The following IMPG2 variants were observed in gnomAD, a reference collection of about 807,000 sequenced individuals.
The protein encoded by IMPG2 is IPM 200.
A neutral mutation model predicts 129.2 loss-of-function variants in IMPG2; 91 were observed. The ratio of observed to expected loss-of-function variants is 0.70; its 90% confidence interval spans 0.59 to 0.84. The LOEUF is 0.84. Among genes scored for constraint, IMPG2 ranks in the 40% least tolerant of loss-of-function variants. IMPG2 has a pLI of 0.00. For synonymous variants in IMPG2, 510 were observed against 517.7 expected (o/e 0.99, Z 0.20); for missense variants, 1,430 against 1,461.7 (o/e 0.98, Z 0.35).
At chr3:101,288,636 T>C (rs1464451143) in intron 4 of IMPG2, among the ~76,000 whole-genome samples, 1 of 152,110 alleles carries the variant, frequency 6.6e-6, no homozygotes, top group Non-Finnish European at 1.5e-5. Context: ...CACTTATAAG[T>C]GAGAGGTAAA....
chr3:101,226,769 A>G lies in IMPG2; in HGVS notation c.*200T>C. On this transcript the variant is annotated 3_prime_UTR_variant, in exon 19 of 19. Coordinates refer to ENST00000193391, the MANE Select transcript of IMPG2 (RefSeq NM_016247.4). ...TATTTAAACACAGCATTCAGTCTTT[A>G]TAGAAATAAAAATGGTAACATCTCT... The G allele has an allele frequency of 1.7e-6, 1 of 596,540 alleles. No homozygotes were observed. Among genetic ancestry groups the G allele is most frequent in the Non-Finnish European group, 3.0e-6 (1 of 335,774 alleles). 37.0% of individuals were successfully genotyped at this position (596,540 alleles called of 1,614,324 possible).
intron 14 of IMPG2, among the ~76,000 whole-genome samples, chr3:101,241,694 G>A (rs1389416227): frequency 6.6e-6 from 1 of 152,108 alleles, no homozygotes; most frequent in African/African-American, 2.4e-5. Context: ...AGTTTGGTGA[G>A]TGACTAAAAG....
intron 4 of IMPG2, among the ~76,000 whole-genome samples, chr3:101,286,301 T>C (rs1473184164): frequency 6.6e-6 from 1 of 152,152 alleles, no homozygotes; most frequent in Non-Finnish European, 1.5e-5. Context: ...AAAGGGCAAA[T>C]ATCATTGTCC....
chr3:101,239,018 G>T (rs1295488292), intron 14 of IMPG2, among the ~76,000 whole-genome samples: 3 of 152,152 alleles, frequency 2.0e-5, no homozygotes, highest in African/African-American at 7.2e-5. Context: ...TAAAGGGATG[G>T]AGGAAAATTT....
At chr3:101,293,640 A>G (rs1707045713) in intron 3 of IMPG2, among the ~76,000 whole-genome samples, 2 of 152,170 alleles carry the variant, frequency 1.3e-5, no homozygotes, top group African/African-American at 4.8e-5. Flanking sequence ...GAAGCCAGGT[A>G]TTGACTTCTC....
intron 1 of IMPG2, among the ~76,000 whole-genome samples, 178 bp from the exon 2 acceptor site, chr3:101,320,010 C>T (rs1294082370): frequency 6.6e-6 from 1 of 152,130 alleles, no homozygotes; most frequent in African/African-American, 2.4e-5. Context: ...TTCCATTTAA[C>T]TCCCACTCCT....
At chr3:101,282,071 A>G (rs1706898391) in intron 4 of IMPG2, among the ~76,000 whole-genome samples, 1 of 152,252 alleles carries the variant, frequency 6.6e-6, no homozygotes, top group Non-Finnish European at 1.5e-5. Flanking sequence ...TACACAGAGA[A>G]TACAAAAATA....
chr3:101,227,094 T>A, intron 18 of IMPG2, 113 bp from the exon 19 acceptor site: 17 of 1,216,150 alleles, frequency 1.4e-5, no homozygotes, highest in Non-Finnish European at 1.5e-5. Flanking sequence ...ATACTTTCTA[T>A]TTTTTTCTTT....
At chr3:101,237,673 C>A (rs1280521517) in intron 14 of IMPG2, among the ~76,000 whole-genome samples, 1 of 152,112 alleles carries the variant, frequency 6.6e-6, no homozygotes, top group African/African-American at 2.4e-5. Flanking sequence ...ATAGCATCAA[C>A]ATCAACAAAA....
intron 2 of IMPG2, among the ~76,000 whole-genome samples, chr3:101,316,972 G>A (rs575317): frequency 0.72 from 109,092 of 151,866 alleles, 40,334 homozygotes; most frequent in East Asian, 0.84. Context: ...CAAAAAAAGA[G>A]TATATACCAA....
At chr3:101,284,224 G>A (rs1266465342) in intron 4 of IMPG2, among the ~76,000 whole-genome samples, 1 of 152,214 alleles carries the variant, frequency 6.6e-6, no homozygotes, top group Non-Finnish European at 1.5e-5. Flanking sequence ...GAGTTCAGTT[G>A]TGGATGTGTT....
In IMPG2 at chr3:101,244,652, T is replaced by C. The variant is rs144565223; in HGVS notation, c.1679A>G (p.Tyr560Cys). ...DSDVSLTSSP[Y>C]LTSSIPFGLD... ...GCCAAAAGGTATAGAAGAGGTCAGA[T>C]ATGGTGAAGATGTTAAGGACACATC... is the stretch of plus-strand genomic sequence containing the variant. The change falls in exon 13 of 19, where the codon TAT (tyrosine) becomes TGT (cysteine). Residue 560 changes from tyrosine to cysteine, a missense_variant. Coordinates refer to ENST00000193391, the MANE Select transcript of IMPG2 (RefSeq NM_016247.4). The C allele has an allele frequency of 1.9e-6, 3 of 1,613,770 alleles. No homozygotes were observed. Among genetic ancestry groups the C allele is most frequent in the Non-Finnish European group, 1.7e-6 (2 of 1,179,926 alleles).
At chr3:101,311,777 G>T (rs1276581438) in intron 2 of IMPG2, among the ~76,000 whole-genome samples, 1 of 152,056 alleles carries the variant, frequency 6.6e-6, no homozygotes, top group East Asian at 1.9e-4. Context: ...AAACAACAAA[G>T]ATGGTGAATT....
chr3:101,296,136 T>G (rs986839544), intron 3 of IMPG2, among the ~76,000 whole-genome samples: 1 of 152,234 alleles, frequency 6.6e-6, no homozygotes, highest in African/African-American at 2.4e-5. Flanking sequence ...CCTTGTCTTG[T>G]GCCGGTTTTC....
chr3:101,306,133 G>C (rs1299615675), intron 2 of IMPG2, among the ~76,000 whole-genome samples: 1 of 152,084 alleles, frequency 6.6e-6, no homozygotes, highest in South Asian at 2.1e-4. Flanking sequence ...AGCTTCAATT[G>C]ACTCATCTCT....
chr3:101,287,040 A>C (rs981063706), intron 4 of IMPG2, among the ~76,000 whole-genome samples: 3 of 152,196 alleles, frequency 2.0e-5, no homozygotes, highest in African/African-American at 7.2e-5. Context: ...AGCAGGAAAA[A>C]AGCACAGATC....
intron 11 of IMPG2, among the ~76,000 whole-genome samples, chr3:101,246,899 T>C (rs1352797064): frequency 1.3e-5 from 2 of 151,994 alleles, no homozygotes; most frequent in Non-Finnish European, 2.9e-5. Context: ...AGGCCAGCAG[T>C]CCAGACTGGG....
Position 101,314,292 on chromosome 3 carries a change from T to C in IMPG2, c.334+5292A>G, listed in dbSNP as rs146432188. On this transcript the variant is annotated intron_variant, in intron 2 of 18. Transcript: ENST00000193391. ...TTTGCATAGCCCTGTGGCTCAAATATTGCATGGGACATACGTACACTAAAA... is the reference window on the plus strand; with the variant it reads ...TTTGCATAGCCCTGTGGCTCAAATACTGCATGGGACATACGTACACTAAAA... Among the ~76,000 whole-genome samples, 3 of 152,266 alleles carry C rather than the reference T, an allele frequency of 2.0e-5. No individual in the cohort carries two copies. The East Asian group carries it at 5.8e-4, about 29-fold the overall frequency.
chr3:101,243,729 T>C lies in IMPG2; in HGVS notation c.2602A>G (p.Met868Val). The C allele has an allele frequency of 6.2e-7, 1 of 1,613,916 alleles. No homozygotes were observed. The highest frequency in any genetic ancestry group is 8.5e-7 in the Non-Finnish European group (1 of 1,179,838). Residue 868 changes from methionine to valine, a missense_variant, in exon 13 of 19, where the codon ATG becomes GTG. By Grantham distance (21) the Met-to-Val change is conservative. Coordinates refer to ENST00000193391, the MANE Select transcript of IMPG2 (RefSeq NM_016247.4). ...QNGKVGSYVEMSTSVHSTEMV... is the reference protein window; with the variant it reads ...QNGKVGSYVEVSTSVHSTEMV... Reference sequence around the variant, plus strand: ...TCTGTGGAGTGAACACTTGTTGACATTTCCACATAACTACCAACCTTGCCA... The same window carrying C: ...TCTGTGGAGTGAACACTTGTTGACACTTCCACATAACTACCAACCTTGCCA...
Sources: allele counts gnomAD v4.1 joint callset (sites outside exome capture counted in the v4.1 genomes callset), GRCh38; gene constraint gnomAD v4.1.1; transcripts MANE v1.5; gene names NCBI Gene and HGNC (gene_info 2026-07-23, HGNC 2026-07-21).